Variants in OVGP1 observed in about 807,000 individuals in gnomAD.
OVGP1 encodes oviduct-specific glycoprotein.
In OVGP1, 26 loss-of-function variants were observed where a neutral mutation model predicts 48.2. The observed-to-expected ratio is 0.54, with a 90% CI of 0.40 to 0.75. The LOEUF is 0.75. Ranked by LOEUF, OVGP1 falls within the 30% of genes least tolerant of loss-of-function variation. The probability of loss-of-function intolerance (pLI) is 0.00; values close to 1 mark genes in which losing one functional copy is unlikely to be tolerated. For missense variants in OVGP1, 791 were observed against 820.6 expected (o/e 0.96, Z 0.44); for synonymous variants, 294 against 305.7 (o/e 0.96, Z 0.40).
chr1:111,424,279 G>A (rs1025414729), intron 4 of OVGP1, among the ~76,000 whole-genome samples: 7 of 152,102 alleles, frequency 4.6e-5, no homozygotes, highest in African/African-American at 1.4e-4. Context: ...TCTTTTGTTC[G>A]TTTTTTGTTT....
At chr1:111,416,574 T>C (rs1206121532) in intron 9 of OVGP1, 116 bp from the exon 10 acceptor site, 4 of 832,096 alleles carry the variant, frequency 4.8e-6, no homozygotes, top group Non-Finnish European at 7.1e-6. Context: ...GTTAGGAGTG[T>C]AGCCAGCATT....
At position 111,423,636 on chromosome 1, in the gene OVGP1, T is replaced by G; in HGVS notation, c.390A>C (p.Thr130=). Residue 130 remains threonine (T), a synonymous_variant, in exon 5 of 11, where the codon ACA becomes ACC. Coordinates refer to ENST00000369732, the MANE Select transcript of OVGP1 (RefSeq NM_002557.4). ...FIASVISLLR[T]HDFDGLDLFF... ...AAAGGTCAAGACCATCAAAGTCATGTGTCCTCAGAAGGGATATAACTGAAG... is the reference window on the plus strand; with the variant it reads ...AAAGGTCAAGACCATCAAAGTCATGGGTCCTCAGAAGGGATATAACTGAAG... 1.2e-6 allele frequency: 2 copies of G among 1,614,184 alleles called. No homozygotes were observed. Among genetic ancestry groups the G allele is most frequent in the East Asian group, 4.5e-5 (2 of 44,888 alleles).
At chr1:111,427,168 T>C in intron 1 of OVGP1, 77 bp from the exon 2 acceptor site, 1 of 1,606,294 alleles carries the variant, frequency 6.2e-7, no homozygotes. Flanking sequence ...CACCCTCTGA[T>C]TAGCAAGGGT....
intron 1 of OVGP1, 114 bp downstream of exon 1, chr1:111,427,583 A>T: frequency 7.6e-7 from 1 of 1,314,670 alleles, no homozygotes; most frequent in Non-Finnish European, 1.1e-6. Context: ...ATCTCTACCT[A>T]ATCTAGGCTT....
In OVGP1 at chr1:111,414,379, G is replaced by T; in HGVS notation, c.*85C>A. ...TTGGCCTATTCTGGTTTTGATGCCT[G>T]CTTTGCCCCGGGATGAGAAGGCTTC... is the stretch of plus-strand genomic sequence containing the variant. On this transcript the variant is annotated 3_prime_UTR_variant, in exon 11 of 11. Transcript: ENST00000369732. The T allele has an allele frequency of 1.6e-6, 2 of 1,262,996 alleles. No homozygotes were observed. The highest frequency in any genetic ancestry group is 2.2e-6 in the Non-Finnish European group (2 of 913,892). The allele number at this position is 1,262,996 out of a possible 1,614,324, so 78.2% of individuals were successfully genotyped here. A position where few individuals can be genotyped will look rare whatever the true frequency, so the allele number is the denominator to read the frequency against.
intron 4 of OVGP1, among the ~76,000 whole-genome samples, chr1:111,424,761 C>T (rs956898664): frequency 6.6e-6 from 1 of 152,232 alleles, no homozygotes; most frequent in African/African-American, 2.4e-5. Flanking sequence ...AGGCCTCCCT[C>T]TCGTGTATCT....
At chr1:111,421,861 C>T (rs1652279933) in intron 6 of OVGP1, among the ~76,000 whole-genome samples, 188 bp from the exon 7 acceptor site, 1 of 152,184 alleles carries the variant, frequency 6.6e-6, no homozygotes, top group South Asian at 2.1e-4. Flanking sequence ...TTAGGAACAG[C>T]TGTATATGAG....
Position 111,415,199 on chromosome 1 carries a change from C to T in OVGP1, c.1302G>A (p.Glu434=). The stretch of plus-strand genomic sequence containing the variant: ...TCATATTTTCACACTTTCCGTGGAT[C>T]TCAGTGACCCCAGCCTCTCCTCCTG... ...LPPGGEAGVT[E]IHGKCENMTI... The change falls in exon 11 of 11, where the codon GAG becomes GAA. Residue 434 remains glutamate (E), a synonymous_variant. Coordinates refer to ENST00000369732, the MANE Select transcript of OVGP1 (RefSeq NM_002557.4). 1 of 1,614,208 alleles carries T rather than the reference C, an allele frequency of 6.2e-7. No homozygotes were observed. Among genetic ancestry groups the T allele is most frequent in the African/African-American group, 1.3e-5 (1 of 75,038 alleles).
chr1:111,423,030 T>A lies in OVGP1; in HGVS notation c.505A>T (p.Lys169Ter). The A allele has an allele frequency of 6.2e-7, 1 of 1,613,960 alleles. No individual in the cohort carries two copies. Among genetic ancestry groups the A allele is most frequent in the Non-Finnish European group, 8.5e-7 (1 of 1,179,996 alleles). The change falls in exon 6 of 11, where the codon AAG becomes TAG. Residue 169 changes from lysine (K) to a stop codon, truncating the protein, a stop_gained. Transcript: ENST00000369732. LOFTEE classifies it high-confidence loss of function. Reference protein sequence around the residue: ...LIEELLFAFRKEALLTMRPRL... With the variant: ...LIEELLFAFR ...GGGCGCATGGTGAGCAGTGCCTCCT[T>A]CCGGAAGGCAAACAGGAGCTCCTAA...
chr1:111,415,525 TCCAGACCCC>T (rs1652113258), intron 10 of OVGP1, among the ~76,000 whole-genome samples, 181 bp from the exon 11 acceptor site: 1 of 152,110 alleles, frequency 6.6e-6, no homozygotes, highest in African/African-American at 2.4e-5. Flanking sequence ...GAAGCCTTGC[TCCAGACCCC>T]GCCATGTTCA....
At chr1:111,424,690 C>T (rs905396753) in intron 4 of OVGP1, among the ~76,000 whole-genome samples, 5 of 152,218 alleles carry the variant, frequency 3.3e-5, no homozygotes, top group African/African-American at 1.2e-4. Context: ...AGTTCTCACC[C>T]CCCTGCCCTG....
intron 10 of OVGP1, among the ~76,000 whole-genome samples, chr1:111,415,923 T>C (rs1447475827): frequency 1.3e-5 from 2 of 152,168 alleles, no homozygotes; most frequent in Non-Finnish European, 2.9e-5. Flanking sequence ...CTAGCTTCCA[T>C]TTCCTAATTG....
intron 9 of OVGP1, chr1:111,416,772 T>TA: frequency 4.8e-6 from 1 of 208,016 alleles, no homozygotes; most frequent in Non-Finnish European, 9.5e-6. Context: ...GACACTATGC[T>TA]AAGTGAAATA....
intron 6 of OVGP1, 129 bp downstream of exon 6, chr1:111,422,798 A>G: frequency 9.4e-7 from 1 of 1,062,364 alleles, no homozygotes; most frequent in African/African-American, 1.6e-5. Context: ...GTCCAGCCCC[A>G]AACTTGCACT....
rs149678505 is a variant in OVGP1, at chr1:111,427,423, G to A, written c.25+274C>T. 1.4e-3 allele frequency: 1,326 copies of A among 941,986 alleles called. 3 individuals carry two copies. The highest frequency in any genetic ancestry group is 0.012 in the South Asian group (242 of 20,460). The allele number at this position is 941,986 out of a possible 1,614,324, so 58.4% of individuals were successfully genotyped here. A position where few individuals can be genotyped will look rare whatever the true frequency, so the allele number is the denominator to read the frequency against. ...GCAAATTAAGAAGTACTGATATCCT[G>A]GCTGGTCATGCAGAGATTCTAACAG... On this transcript the variant is annotated intron_variant, in intron 1 of 10. Transcript: ENST00000369732.
chr1:111,421,173 T>C (rs1217916993), intron 8 of OVGP1, 103 bp downstream of exon 8: 3 of 1,024,588 alleles, frequency 2.9e-6, no homozygotes, highest in Admixed American at 2.6e-5. Flanking sequence ...CTCTTTGCCC[T>C]GTCTACAGCT....
At chr1:111,417,945 C>T (rs1652174794) in intron 9 of OVGP1, among the ~76,000 whole-genome samples, 1 of 152,150 alleles carries the variant, frequency 6.6e-6, no homozygotes, top group African/African-American at 2.4e-5. Flanking sequence ...AACAAGTCCT[C>T]CCTGGGAAGG....
At position 111,414,718 on chromosome 1, in the gene OVGP1, C is replaced by A. The variant is rs767264544; in HGVS notation, c.1783G>T (p.Glu595Ter). ...PEGQTMPLRG[E>*]NLTSEVGTHP... is the part of the protein sequence containing the mutation. Reference sequence around the variant, plus strand: ...GTGCCCACCTCAGAAGTCAAATTCTCCCCTCTTAAAGGCATAGTCTGCCCT... The same window carrying A: ...GTGCCCACCTCAGAAGTCAAATTCTACCCTCTTAAAGGCATAGTCTGCCCT... The change falls in exon 11 of 11, where the codon GAG becomes TAG. Residue 595 changes from glutamate to a stop codon, truncating the protein, a stop_gained. Transcript: ENST00000369732. LOFTEE classifies it low-confidence loss of function (END_TRUNC). 6.2e-7 allele frequency: 1 copy of A among 1,613,826 alleles called. No homozygotes were observed. The highest frequency in any genetic ancestry group is 1.7e-5 in the Admixed American group (1 of 60,020).
chr1:111,417,280 G>A (rs558059354), intron 9 of OVGP1, among the ~76,000 whole-genome samples: 2 of 152,162 alleles, frequency 1.3e-5, no homozygotes, highest in Non-Finnish European at 1.5e-5. Context: ...ATACAGTAGA[G>A]CACAAAATAT....
Sources: allele counts gnomAD v4.1 joint callset (sites outside exome capture counted in the v4.1 genomes callset), GRCh38; gene constraint gnomAD v4.1.1; transcripts MANE v1.5; gene names NCBI Gene and HGNC (gene_info 2026-07-23, HGNC 2026-07-21).